IHH: variants seen among roughly 807,000 people sequenced by gnomAD.
IHH encodes the protein Indian hedgehog signaling molecule, also known as indian hedgehog protein.
A neutral mutation model predicts 29.4 loss-of-function variants in IHH; 9 were observed. The ratio of observed to expected loss-of-function variants is 0.31; its 90% confidence interval spans 0.18 to 0.53. The LOEUF (loss-of-function observed/expected upper bound fraction) is 0.53. Among genes scored for constraint, IHH ranks in the 20% least tolerant of loss-of-function variants. IHH has a pLI of 0.95. For missense variants in IHH, 454 were observed against 578.1 expected, an observed-to-expected ratio of 0.79 and a Z score of 2.20; for synonymous variants, 254 against 252.7, an observed-to-expected ratio of 1.01 and a Z score of -0.05.
In IHH at chr2:219,055,095, T is replaced by C. The variant is rs1227936837; in HGVS notation, c.*112A>G. ...TGGTGTATCTTCATGGCAGAGGAGA[T>C]GGCAGGAGCCAGTGTCCCCCAGCTC... On this transcript the variant is annotated 3_prime_UTR_variant, in exon 3 of 3. Transcript: ENST00000295731. 13 of 1,122,796 alleles carry C rather than the reference T, an allele frequency of 1.2e-5. No homozygotes were observed. The highest frequency in any genetic ancestry group is 1.6e-5 in the African/African-American group (1 of 64,200). 69.6% of individuals were successfully genotyped at this position (1,122,796 alleles called of 1,614,324 possible). A position where few individuals can be genotyped will look rare whatever the true frequency, so the allele number is the denominator to read the frequency against.
chr2:219,057,675 T>G lies in IHH; in HGVS notation c.335A>C (p.Asn112Thr). Residue 112 changes from asparagine to threonine, a missense_variant, in exon 2 of 3, where the codon AAC (asparagine) becomes ACC (threonine). Coordinates refer to ENST00000295731, the MANE Select transcript of IHH (RefSeq NM_002181.4). ...LMTQRCKDRLNSLAISVMNQW... is the reference protein window; with the variant it reads ...LMTQRCKDRLTSLAISVMNQW... ...GTTCATCACCGAGATAGCCAGCGAG[T>G]TCAGGCGGTCCTTGCAGCGCTGGGA... The G allele has an allele frequency of 6.2e-7, 1 of 1,605,924 alleles. No homozygotes were observed. Among genetic ancestry groups the G allele is most frequent in the South Asian group, 1.1e-5 (1 of 90,954 alleles).
In IHH at chr2:219,055,472, A is replaced by C; in HGVS notation, c.971T>G (p.Val324Gly). ...GAGCGGGGCGTAGGCCCCGAGGGCC[A>C]CGTGTGTAGAGACAGCTGCCACGCG... ...PARVAAVSTHVALGAYAPLTK... is the reference protein window; with the variant it reads ...PARVAAVSTHGALGAYAPLTK... The change falls in exon 3 of 3, where the codon GTG becomes GGG. Residue 324 changes from valine to glycine, a missense_variant. Val to Gly is a moderately radical substitution (Grantham distance 109). Around this residue, in one of 3 missense-constraint regions of IHH, gnomAD observed 271 missense variants for 315.9 expected, o/e 0.86. Transcript: ENST00000295731. 1.2e-6 allele frequency: 2 copies of C among 1,610,248 alleles called. No individual in the cohort carries two copies. The highest frequency in any genetic ancestry group is 1.7e-6 in the Non-Finnish European group (2 of 1,177,736).
rs1326491425 is a variant in IHH at position 219,060,575 on chromosome 2, G to T, written c.-108C>A. 3 of 675,734 alleles carry T rather than the reference G, an allele frequency of 4.4e-6. No individual in the cohort carries two copies. Among genetic ancestry groups the T allele is most frequent in the Non-Finnish European group, 6.4e-6 (3 of 471,774 alleles). The allele number at this position is 675,734 out of a possible 1,614,324, so 41.9% of individuals were successfully genotyped here. On this transcript the variant is annotated 5_prime_UTR_variant, in exon 1 of 3. Coordinates refer to ENST00000295731, the MANE Select transcript of IHH (RefSeq NM_002181.4). This position sits in a 1 kb window ranked among gnomAD's most constrained non-coding sequence, Gnocchi z 8.8. The stretch of plus-strand genomic sequence containing the variant: ...TCAGGCGTCCGGGTGGCTCCGGGGG[G>T]CTCCAGGCGGGGGCGCCATGGGCGG...
At chr2:219,058,052 G>A (rs1225303533) in intron 1 of IHH, among the ~76,000 whole-genome samples, 1 of 152,208 alleles carries the variant, frequency 6.6e-6, no homozygotes, top group African/African-American at 2.4e-5. Flanking sequence ...TTCAGCGCCC[G>A]GTCCCTCTGT....
intron 1 of IHH, among the ~76,000 whole-genome samples, chr2:219,058,001 C>T (rs1426351764): frequency 6.6e-6 from 1 of 152,232 alleles, no homozygotes; most frequent in Non-Finnish European, 1.5e-5. Context: ...GTGCTGTCTT[C>T]AGCTCCGGGT....
chr2:219,057,597 T>A lies in IHH; in HGVS notation c.413A>T (p.His138Leu). 6.2e-7 allele frequency: 1 copy of A among 1,614,002 alleles called. No homozygotes were observed. Among genetic ancestry groups the A allele is most frequent in the Non-Finnish European group, 8.5e-7 (1 of 1,180,016 alleles). Residue 138 changes from histidine to leucine, a missense_variant, in exon 2 of 3, where the codon CAC becomes CTC. His to Leu is a moderately conservative substitution (Grantham distance 99). Around this residue, in one of 3 missense-constraint regions of IHH, gnomAD observed 70 missense variants for 140.1 expected, o/e 0.50. Coordinates refer to ENST00000295731, the MANE Select transcript of IHH (RefSeq NM_002181.4). ...ATAATGCAGGGACTCCTCTGAGTGG[T>A]GGCCGTCCTCGTCCCAGCCCTCGGT... is the stretch of plus-strand genomic sequence containing the variant. ...RVTEGWDEDG[H>L]HSEESLHYEG...
At chr2:219,057,394 G>A (rs766457654) in intron 2 of IHH, 39 bp downstream of exon 2, 2 of 1,550,214 alleles carry the variant, frequency 1.3e-6, no homozygotes, top group South Asian at 1.2e-5. Flanking sequence ...CATGCCCTGC[G>A]GCCCCGGCCC....
Position 219,055,261 on chromosome 2 carries a change from G to A in IHH, c.1182C>T (p.Leu394=), listed in dbSNP as rs1464303153. ...YPQLLYRLGR[L]LLEEGSFHPL... Reference sequence around the variant, plus strand: ...GGTGGAAGCTGCCCTCTTCTAGCAGGAGACGCCCCAGGCGGTAGAGCAGCT... The same window carrying A: ...GGTGGAAGCTGCCCTCTTCTAGCAGAAGACGCCCCAGGCGGTAGAGCAGCT... The change falls in exon 3 of 3, where the codon CTC becomes CTT. Residue 394 remains leucine, a synonymous_variant. Coordinates refer to ENST00000295731, the MANE Select transcript of IHH (RefSeq NM_002181.4). 4.4e-6 allele frequency: 7 copies of A among 1,608,300 alleles called. No homozygotes were observed. Among genetic ancestry groups the A allele is most frequent in the Non-Finnish European group, 5.1e-6 (6 of 1,177,856 alleles).
rs1424969376 is a variant in IHH at position 219,055,749 on chromosome 2, T to C, written c.694A>G (p.Met232Val). 11 of 1,613,706 alleles carry C rather than the reference T, an allele frequency of 6.8e-6. No individual in the cohort carries two copies. The East Asian group carries it at 2.0e-4, about 29-fold the overall frequency. ...AVRPGDRVLAMGEDGSPTFSD... is the reference protein window; with the variant it reads ...AVRPGDRVLAVGEDGSPTFSD... ...AAGGTGGGGCTCCCATCCTCCCCCA[T>C]GGCCAGCACACGGTCTCCCGGCCTC... is the stretch of plus-strand genomic sequence containing the variant. The change falls in exon 3 of 3, where the codon ATG becomes GTG. Residue 232 changes from methionine (M) to valine (V), a missense_variant. By Grantham distance (21) the Met-to-Val change is conservative. Coordinates refer to ENST00000295731, the MANE Select transcript of IHH (RefSeq NM_002181.4).
At chr2:219,058,307 G>A (rs978736307) in intron 1 of IHH, among the ~76,000 whole-genome samples, 2 of 152,186 alleles carry the variant, frequency 1.3e-5, no homozygotes, top group African/African-American at 2.4e-5. Context: ...GCACCACCGA[G>A]GATTCCCGCC....
At chr2:219,056,353 G>C (rs1370716072) in intron 2 of IHH, among the ~76,000 whole-genome samples, 1 of 152,238 alleles carries the variant, frequency 6.6e-6, no homozygotes, top group Non-Finnish European at 1.5e-5. Flanking sequence ...GGCAGCCTCG[G>C]AGTGAATGTT....
intron 1 of IHH, chr2:219,058,701 G>GT (rs1948853410): frequency 6.6e-6 from 1 of 150,720 alleles, no homozygotes; most frequent in Non-Finnish European, 1.5e-5. Context: ...AAGAAGCTGG[G>GT]GCCAGGGCCT....
chr2:219,059,649 C>A lies in IHH; in HGVS notation c.315+504G>T, dbSNP rs1400352216. Among the ~76,000 whole-genome samples, 3 of 152,212 alleles carry A rather than the reference C, an allele frequency of 2.0e-5. No individual in the cohort carries two copies. Among genetic ancestry groups the A allele is most frequent in the Admixed American group, 2.0e-4 (3 of 15,284 alleles). ...TTCTTAACCCCAGACCCAGCCGGGACGCTGCTCCTGGAAGGGGCAGCCCGT... is the reference window on the plus strand; with the variant it reads ...TTCTTAACCCCAGACCCAGCCGGGAAGCTGCTCCTGGAAGGGGCAGCCCGT... On this transcript the variant is annotated intron_variant, in intron 1 of 2. Coordinates refer to ENST00000295731, the MANE Select transcript of IHH (RefSeq NM_002181.4). The surrounding 1 kb of genome is among the most constrained non-coding windows in gnomAD (Gnocchi z 4.7).
chr2:219,059,852 G>T lies in IHH; in HGVS notation c.315+301C>A, dbSNP rs1948865245. Among the ~76,000 whole-genome samples, 1 of 152,220 alleles carries T rather than the reference G, an allele frequency of 6.6e-6. No homozygotes were observed. Among genetic ancestry groups the T allele is most frequent in the Non-Finnish European group, 1.5e-5 (1 of 68,042 alleles). On this transcript the variant is annotated intron_variant, in intron 1 of 2. Coordinates refer to ENST00000295731, the MANE Select transcript of IHH (RefSeq NM_002181.4). The surrounding 1 kb of genome is among the most constrained non-coding windows in gnomAD (Gnocchi z 4.7). ...GAGGCAGCCGGGTAGAGGTACCTCC[G>T]GGTGCAGCGTCTGGCTGAGCTGCCA...
Position 219,060,475 on chromosome 2 carries a change from G to A in IHH, c.-8C>T, listed in dbSNP as rs1385875070. 1 of 1,458,298 alleles carries A rather than the reference G, an allele frequency of 6.9e-7. No individual in the cohort carries two copies. Among genetic ancestry groups the A allele is most frequent in the Non-Finnish European group, 9.0e-7 (1 of 1,111,670 alleles). 90.3% of individuals were successfully genotyped at this position (1,458,298 alleles called of 1,614,324 possible). A position where few individuals can be genotyped will look rare whatever the true frequency, so the allele number is the denominator to read the frequency against. ...GAGCCGGGCGGGAGACATGGCCGGGGAGCCCGGGGGAGCGGCGGGCGAGGT... is the reference window on the plus strand; with the variant it reads ...GAGCCGGGCGGGAGACATGGCCGGGAAGCCCGGGGGAGCGGCGGGCGAGGT... On this transcript the variant is annotated 5_prime_UTR_variant, in exon 1 of 3. Coordinates refer to ENST00000295731, the MANE Select transcript of IHH (RefSeq NM_002181.4). The surrounding 1 kb of genome is among the most constrained non-coding windows in gnomAD (Gnocchi z 8.8).
chr2:219,056,230 A>G (rs189377006), intron 2 of IHH, among the ~76,000 whole-genome samples: 48 of 152,268 alleles, frequency 3.2e-4, no homozygotes, highest in Non-Finnish European at 2.9e-5. Flanking sequence ...TTGCTCAGAC[A>G]CTTCCCAAAA....
At chr2:219,058,796 T>A (rs1405606891) in intron 1 of IHH, 1 of 155,130 alleles carries the variant, frequency 6.4e-6, no homozygotes, top group Non-Finnish European at 1.5e-5. Context: ...GCAGCCCAAG[T>A]CTCAACCTAC....
chr2:219,055,324 G>A lies in IHH; in HGVS notation c.1119C>T (p.Gly373=), dbSNP rs1431161402. 6.8e-6 allele frequency: 11 copies of A among 1,613,106 alleles called. No homozygotes were observed. The East Asian group carries it at 8.9e-5, about 13-fold the overall frequency. The change falls in exon 3 of 3, where the codon GGC becomes GGT. Residue 373 remains glycine, a synonymous_variant. Transcript: ENST00000295731. ...GCACACCCTCCCCCGGAGTCCAGCT[G>A]CCCCATGCCAAGCTGTGAAAGAGTC... ...PLRLFHSLAW[G]SWTPGEGVHW...
In IHH at chr2:219,055,858, C is replaced by A. The variant is rs745480431; in HGVS notation, c.585G>T (p.Ser195=). 3.7e-6 allele frequency: 6 copies of A among 1,607,076 alleles called. No individual in the cohort carries two copies. The highest frequency in any genetic ancestry group is 2.2e-5 in the South Asian group (2 of 91,030). The change falls in exon 3 of 3, where the codon TCG becomes TCT. Residue 195 remains serine (S), a synonymous_variant. Coordinates refer to ENST00000295731, the MANE Select transcript of IHH (RefSeq NM_002181.4). ...HVHCSVKSEH[S]AAAKTGGCFP... ...AGCAGCCGCCCGTCTTGGCTGCGGC[C>A]GAGTGCTCTGTGGGAGAAAGGGACA...
Sources: allele counts gnomAD v4.1 joint callset (sites outside exome capture counted in the v4.1 genomes callset), GRCh38; gene constraint gnomAD v4.1.1; regional missense constraint gnomAD v4.1.1; non-coding constraint Gnocchi (gnomAD v3.1); transcripts MANE v1.5; gene names NCBI Gene and HGNC (gene_info 2026-07-23, HGNC 2026-07-21).